Variants in SYNE2 observed in about 807,000 individuals in gnomAD.
SYNE2 encodes spectrin repeat containing nuclear envelope protein 2, also known as nesprin-2.
Under a neutral mutation model 856.3 loss-of-function variants are expected in SYNE2, and 431 were observed. That is an observed-to-expected ratio of 0.50 (90% CI 0.47 to 0.55). The LOEUF (loss-of-function observed/expected upper bound fraction) is 0.55, where lower values mean the gene tolerates loss of function less well. SYNE2 is among the 20% of genes least tolerant of loss of function. The pLI, the probability that SYNE2 is intolerant of heterozygous loss-of-function variation, is 0.00. For synonymous variants in SYNE2, 2,923 were observed against 2,872.3 expected, an observed-to-expected ratio of 1.02 and a Z score of -0.56; for missense variants, 8,129 against 8,023.2, an observed-to-expected ratio of 1.01 and a Z score of -0.50.
At chr14:64,163,851 G>T (rs938120618) in intron 89 of SYNE2, among the ~76,000 whole-genome samples, 1 of 152,152 alleles carries the variant, frequency 6.6e-6, no homozygotes, top group South Asian at 2.1e-4. Context: ...TTGGATTTCT[G>T]AGTCAAGTAA....
intron 51 of SYNE2, among the ~76,000 whole-genome samples, chr14:64,067,744 C>T (rs575344130): frequency 6.6e-6 from 1 of 152,182 alleles, no homozygotes; most frequent in African/African-American, 2.4e-5. Context: ...ATTTTACCTC[C>T]CTGTTTTCTT....
At chr14:64,123,013 T>G (rs1166266144) in intron 70 of SYNE2, among the ~76,000 whole-genome samples, 6 of 151,500 alleles carry the variant, frequency 4.0e-5, no homozygotes, top group Non-Finnish European at 7.4e-5. Context: ...GCAGGAGAAT[T>G]GCTTGAACCT....
intron 90 of SYNE2, 46 bp from the exon 91 acceptor site, chr14:64,167,187 A>G: frequency 6.2e-7 from 1 of 1,612,758 alleles, no homozygotes; most frequent in South Asian, 1.1e-5. Flanking sequence ...TCATCTAGAT[A>G]TCTTATTGGC....
chr14:63,945,015 C>G (rs946849995), intron 6 of SYNE2, among the ~76,000 whole-genome samples: 1 of 150,034 alleles, frequency 6.7e-6, no homozygotes, highest in African/African-American at 2.5e-5. Context: ...ACCATGTTGG[C>G]CAGGCTAGCC....
chr14:64,216,365 G>A lies in SYNE2; in HGVS notation c.19520G>A (p.Ser6507Asn), dbSNP rs758018966. ...GTTCCACCTGTTCCCCCTGCGTCCA[G>A]CACCCCTTATAAACCACCCTATGTA... ...RNVPPVPPASSTPYKPPYGKL... is the reference protein window; with the variant it reads ...RNVPPVPPASNTPYKPPYGKL... Residue 6507 changes from serine (S) to asparagine (N), a missense_variant, in exon 108 of 116, where the codon AGC (serine) becomes AAC (asparagine). By Grantham distance (46) the Ser-to-Asn change is conservative (BLOSUM62 1). Around this residue, in one of 3 missense-constraint regions of SYNE2, gnomAD observed 5,410 missense variants for 5,284.8 expected, o/e 1.02. Coordinates refer to ENST00000555002, the MANE Select transcript of SYNE2 (RefSeq NM_182914.3). 6.2e-7 allele frequency: 1 copy of A among 1,614,210 alleles called. No homozygotes were observed. The highest frequency in any genetic ancestry group is 8.5e-7 in the Non-Finnish European group (1 of 1,180,048).
At chr14:63,826,204 G>A (rs1889423669) in intron 1 of SYNE2, among the ~76,000 whole-genome samples, 1 of 152,124 alleles carries the variant, frequency 6.6e-6, no homozygotes, top group Non-Finnish European at 1.5e-5. Context: ...CAGATACATA[G>A]ATCAATGGAA....
At position 63,940,625 on chromosome 14, in the gene SYNE2, G is replaced by A; in HGVS notation, c.91G>A (p.Asp31Asn). 1 of 1,614,100 alleles carries A rather than the reference G, an allele frequency of 6.2e-7. No homozygotes were observed. Residue 31 changes from aspartate to asparagine, a missense_variant, in exon 3 of 116, where the codon GAC (aspartate) becomes AAC (asparagine). Transcript: ENST00000555002. ...LHISLQAEQE[D>N]TQKKAFTCWI... ...TCTTTCTTTGATAGCTGAACAGGAA[G>A]ACACCCAGAAGAAAGCCTTCACGTG...
Position 64,053,328 on chromosome 14 carries a change from A to C in SYNE2, c.9415A>C (p.Asn3139His), listed in dbSNP as rs1488931292. 1.2e-6 allele frequency: 2 copies of C among 1,611,400 alleles called. No homozygotes were observed. The highest frequency in any genetic ancestry group is 8.5e-7 in the Non-Finnish European group (1 of 1,179,448). ...TGATAAGTTATACAAAGTTCTCCAA[A>C]ACATGGTATTAGAACTCTCACCAAA... ...ENDKLYKVLQ[N>H]MVLELSPKEL... is the part of the protein sequence containing the mutation. Residue 3139 changes from asparagine to histidine, a missense_variant, in exon 48 of 116, where the codon AAC (asparagine) becomes CAC (histidine). Physicochemically the swap from Asn to His is moderately conservative, Grantham distance 68. This residue lies in a region of SYNE2 where 5,410 missense variants were observed against 5,284.8 expected (regional missense o/e 1.02). Coordinates refer to ENST00000555002, the MANE Select transcript of SYNE2 (RefSeq NM_182914.3).
intron 2 of SYNE2, among the ~76,000 whole-genome samples, chr14:63,910,961 C>CT (rs1170512051): frequency 6.6e-6 from 1 of 152,114 alleles, no homozygotes; most frequent in African/African-American, 2.4e-5. Flanking sequence ...TTTTTTTCTG[C>CT]TTTTTCTTTT....
At position 64,126,681 on chromosome 14, in the gene SYNE2, C is replaced by A. The variant is rs149350389; in HGVS notation, c.13791C>A (p.Gly4597=). 5.3e-5 allele frequency: 85 copies of A among 1,614,168 alleles called. No individual in the cohort carries two copies. The highest frequency in any genetic ancestry group is 2.3e-4 in the African/African-American group (17 of 75,034). The change falls in exon 73 of 116, where the codon GGC becomes GGA. Residue 4597 remains glycine, a synonymous_variant. Transcript: ENST00000555002. ...GDLLKAMTWP[G]ENTNLLLECF... ...TTTTGAAAGCCATGACTTGGCCTGG[C>A]GAGAACACCAACTTGCTCCTTGAAT... is the stretch of plus-strand genomic sequence containing the variant.
At chr14:64,055,541 G>A (rs2097261842) in intron 48 of SYNE2, among the ~76,000 whole-genome samples, 1 of 151,598 alleles carries the variant, frequency 6.6e-6, no homozygotes, top group Non-Finnish European at 1.5e-5. Flanking sequence ...ACTAATTTTT[G>A]TATTTTTAGT....
intron 19 of SYNE2, 97 bp from the exon 20 acceptor site, chr14:63,990,314 A>T: frequency 8.1e-7 from 1 of 1,239,110 alleles, no homozygotes; most frequent in South Asian, 1.4e-5. Flanking sequence ...ATTTTGGATT[A>T]ATAATGAACT....
rs375543783 is a variant in SYNE2 at position 64,027,764 on chromosome 14, C to A, written c.6685C>A (p.Leu2229Ile). The change falls in exon 43 of 116, where the codon CTA (leucine) becomes ATA (isoleucine). Residue 2229 changes from leucine (L) to isoleucine (I), a missense_variant. Physicochemically the swap from Leu to Ile is conservative, Grantham distance 5 (BLOSUM62 2). This residue lies in a region of SYNE2 where 297 missense variants were observed against 380.9 expected (regional missense o/e 0.78). Coordinates refer to ENST00000555002, the MANE Select transcript of SYNE2 (RefSeq NM_182914.3). Reference protein sequence around the residue: ...SEEPWLEIKHLHESLLQQLQD... With the variant: ...SEEPWLEIKHIHESLLQQLQD... ...AGAGCCTTGGCTGGAAATAAAGCAT[C>A]TACACGAAAGTCTTCTTCAACAACT... 77 of 1,614,100 alleles carry A rather than the reference C, an allele frequency of 4.8e-5. No individual in the cohort carries two copies. Among genetic ancestry groups the A allele is most frequent in the Non-Finnish European group, 6.3e-5 (74 of 1,179,990 alleles).
chr14:64,138,946 GGTGTGTGTGTGTGTGTGTGT>G (rs150016027), intron 79 of SYNE2, among the ~76,000 whole-genome samples: 5 of 137,696 alleles, frequency 3.6e-5, no homozygotes, highest in African/African-American at 1.4e-4. Context: ...GTGTATGTAT[GGTGTGTGTGTGTGTGTGTGT>G]GTGTGTGTGT....
chr14:64,156,676 C>T (rs995672550), intron 85 of SYNE2, among the ~76,000 whole-genome samples: 14 of 151,916 alleles, frequency 9.2e-5, no homozygotes, highest in African/African-American at 3.1e-4. Context: ...CCAGGCTGGT[C>T]TTGAACTCCT....
intron 1 of SYNE2, among the ~76,000 whole-genome samples, chr14:63,815,041 C>CGGATATAT (rs1888863265): frequency 1.6e-5 from 1 of 62,600 alleles, no homozygotes; most frequent in African/African-American, 5.2e-5. Flanking sequence ...TATATACATC[C>CGGATATAT]ACATATATAT....
intron 99 of SYNE2, among the ~76,000 whole-genome samples, chr14:64,200,457 T>C (rs1197450921): frequency 6.6e-6 from 1 of 152,146 alleles, no homozygotes; most frequent in Non-Finnish European, 1.5e-5. Context: ...GTGCCAGGGG[T>C]TCTCAGCTAC....
At chr14:64,064,857 T>C (rs2097346225) in intron 50 of SYNE2, among the ~76,000 whole-genome samples, 1 of 150,118 alleles carries the variant, frequency 6.7e-6, no homozygotes, top group Non-Finnish European at 1.5e-5. Flanking sequence ...TATAGACTTT[T>C]TTTTTTTTTT....
intron 94 of SYNE2, among the ~76,000 whole-genome samples, chr14:64,172,434 C>T (rs1279712725): frequency 1.3e-5 from 2 of 152,166 alleles, no homozygotes; most frequent in Non-Finnish European, 2.9e-5. Context: ...AGCTCCTCTC[C>T]TTGGGCATCA....
Sources: gnomAD v4.1 joint callset for allele counts (sites outside exome capture counted in the v4.1 genomes callset) on GRCh38, gnomAD v4.1.1 for gene constraint, gnomAD v4.1.1 regional missense constraint, MANE v1.5 for transcripts, NCBI Gene and HGNC (gene_info 2026-07-23, HGNC 2026-07-21) for gene names.